Variants in NRXN1 observed in about 807,000 individuals in gnomAD.
NRXN1 encodes neurexin-1.
NRXN1 carries 39 observed loss-of-function variants against 150.9 expected under a neutral mutation model. The ratio of observed to expected loss-of-function variants is 0.26; its 90% confidence interval spans 0.20 to 0.34. NRXN1 has a LOEUF of 0.34. Among genes scored for constraint, NRXN1 ranks in the 10% least tolerant of loss-of-function variants. NRXN1 has a pLI of 1.00. For missense variants in NRXN1, 1,815 were observed against 1,949.9 expected, an observed-to-expected ratio of 0.93 and a Z score of 1.30; for synonymous variants, 924 against 757.0, an observed-to-expected ratio of 1.22 and a Z score of -3.62.
chr2:50,696,022 T>C (rs1692788341), intron 5 of NRXN1: 1 of 152,114 alleles, frequency 6.6e-6, no homozygotes, highest in Non-Finnish European at 1.5e-5. Context: ...TTTGTATTTT[T>C]AGCAGAGATG....
intron 17 of NRXN1, among the ~76,000 whole-genome samples, chr2:50,260,629 GTTTTT>G (rs10601394): frequency 0.013 from 1,435 of 113,092 alleles, 15 homozygotes; most frequent in African/African-American, 0.043. Context: ...TTTTTTTTCC[GTTTTT>G]TTTTTTTTTT....
chr2:50,893,883 G>C (rs1681485431), intron 5 of NRXN1, among the ~76,000 whole-genome samples: 1 of 152,078 alleles, frequency 6.6e-6, no homozygotes, highest in Admixed American at 6.6e-5. Flanking sequence ...ATAGTTTACT[G>C]AGAATGATGA....
chr2:50,254,893 A>G (rs1265184316), intron 17 of NRXN1, among the ~76,000 whole-genome samples: 1 of 151,814 alleles, frequency 6.6e-6, no homozygotes, highest in Non-Finnish European at 1.5e-5. Flanking sequence ...TGCAGGCTCG[A>G]CCTCCTGAAC....
At chr2:50,272,688 T>C (rs1227390358) in intron 17 of NRXN1, among the ~76,000 whole-genome samples, 1 of 152,048 alleles carries the variant, frequency 6.6e-6, no homozygotes, top group Non-Finnish European at 1.5e-5. Flanking sequence ...CCTCTTTCAA[T>C]AGAGGCTCAA....
intron 22 of NRXN1, among the ~76,000 whole-genome samples, chr2:49,941,531 A>G (rs1240312273): frequency 6.6e-6 from 1 of 152,012 alleles, no homozygotes; most frequent in Admixed American, 6.6e-5. Context: ...GAGCTCACGA[A>G]GAAAAAGTGA....
At chr2:50,652,966 T>G (rs1347795307) in intron 5 of NRXN1, among the ~76,000 whole-genome samples, 1 of 152,080 alleles carries the variant, frequency 6.6e-6, no homozygotes, top group Non-Finnish European at 1.5e-5. Flanking sequence ...GTCTGACTGT[T>G]GTTTCTGTTT....
chr2:49,974,492 CT>C (rs1010057091), intron 21 of NRXN1, among the ~76,000 whole-genome samples: 1 of 151,988 alleles, frequency 6.6e-6, no homozygotes, highest in East Asian at 1.9e-4. Context: ...AGAGGGGAAA[CT>C]TTTTTTTCCC....
intron 17 of NRXN1, among the ~76,000 whole-genome samples, chr2:50,458,649 G>A (rs568816513): frequency 1.3e-5 from 2 of 150,436 alleles, no homozygotes; most frequent in East Asian, 2.0e-4. Flanking sequence ...GCACAATCTT[G>A]GCTCACTGCA....
chr2:50,550,869 G>C (rs1337105553), intron 9 of NRXN1, among the ~76,000 whole-genome samples: 1 of 151,806 alleles, frequency 6.6e-6, no homozygotes, highest in East Asian at 2.0e-4. Context: ...TTTTAGTAGA[G>C]ACGGGGTTTC....
chr2:50,749,685 ATAAAAT>A (rs1361766294), intron 5 of NRXN1, among the ~76,000 whole-genome samples: 1 of 152,156 alleles, frequency 6.6e-6, no homozygotes, highest in African/African-American at 2.4e-5. Flanking sequence ...TAGTGGAGAA[ATAAAAT>A]TAACTTGCAA....
chr2:50,880,959 T>C (rs1210535537), intron 5 of NRXN1, among the ~76,000 whole-genome samples: 1 of 151,904 alleles, frequency 6.6e-6, no homozygotes, highest in Non-Finnish European at 1.5e-5. Context: ...AGTCAAGGTG[T>C]CTCAACGGTG....
intron 12 of NRXN1, among the ~76,000 whole-genome samples, chr2:50,525,965 GA>G (rs1172333232): frequency 6.6e-6 from 1 of 152,136 alleles, no homozygotes; most frequent in Non-Finnish European, 1.5e-5. Flanking sequence ...AAGAGTGGCT[GA>G]AAAAGAAACA....
intron 18 of NRXN1, among the ~76,000 whole-genome samples, chr2:50,190,949 T>C (rs1474234875): frequency 6.6e-6 from 1 of 152,132 alleles, no homozygotes; most frequent in African/African-American, 2.4e-5. Context: ...AACACAATTC[T>C]TTTATTTACA....
intron 8 of NRXN1, among the ~76,000 whole-genome samples, chr2:50,556,313 A>G (rs1668247657): frequency 1.3e-5 from 2 of 152,138 alleles, no homozygotes; most frequent in South Asian, 2.1e-4. Context: ...TCTTTCTGAA[A>G]CAATGTGGCA....
chr2:50,193,815 C>G (rs2061588726), intron 18 of NRXN1, among the ~76,000 whole-genome samples: 1 of 151,922 alleles, frequency 6.6e-6, no homozygotes, highest in Non-Finnish European at 1.5e-5. Context: ...AAAACTATCT[C>G]AAGGACATAC....
intron 5 of NRXN1, among the ~76,000 whole-genome samples, chr2:50,733,580 G>A (rs2105218421): frequency 1.3e-5 from 2 of 152,160 alleles, no homozygotes; most frequent in Middle Eastern, 6.8e-3. Flanking sequence ...CCTTAATAAT[G>A]AAAAAGTAAA....
chr2:50,119,513 GC>G (rs1703553157), intron 18 of NRXN1, among the ~76,000 whole-genome samples: 2 of 151,146 alleles, frequency 1.3e-5, no homozygotes, highest in African/African-American at 4.9e-5. Context: ...TTAGGGAGAT[GC>G]AAAACCTTAC....
chr2:50,567,996 G>A (rs555831329), intron 8 of NRXN1, among the ~76,000 whole-genome samples: 1 of 152,008 alleles, frequency 6.6e-6, no homozygotes, highest in Admixed American at 6.6e-5. Context: ...ATAAAATTAG[G>A]GTCCCCATTT....
chr2:50,566,022 G>T (rs753768008), intron 8 of NRXN1, among the ~76,000 whole-genome samples: 23 of 152,122 alleles, frequency 1.5e-4, no homozygotes, highest in Admixed American at 5.9e-4. Flanking sequence ...CAGAAATGGG[G>T]AGGGCTGTGC....
Sources: allele counts gnomAD v4.1 joint callset (sites outside exome capture counted in the v4.1 genomes callset), GRCh38; gene constraint gnomAD v4.1.1; transcripts MANE v1.5; gene names NCBI Gene and HGNC (gene_info 2026-07-23, HGNC 2026-07-21).